The following CNTN5 variants were observed in gnomAD, a reference collection of about 807,000 sequenced individuals.
CNTN5 encodes the protein contactin 5.
A neutral mutation model predicts 129.1 loss-of-function variants in CNTN5; 77 were observed. The observed-to-expected ratio is 0.60, with a 90% CI of 0.50 to 0.72. CNTN5 has a LOEUF of 0.72. CNTN5 is among the 30% of genes least tolerant of loss of function. The pLI is 0.00. For synonymous variants in CNTN5, 509 were observed against 465.6 expected (o/e 1.09, Z -1.20); for missense variants, 1,478 against 1,328.8 (o/e 1.11, Z -1.75).
chr11:99,824,849 A>G (rs374160756), intron 4 of CNTN5, among the ~76,000 whole-genome samples: 8 of 152,164 alleles, frequency 5.3e-5, no homozygotes, highest in African/African-American at 1.4e-4. Flanking sequence ...ACTCACTTAT[A>G]TATGTTAAAA....
intron 4 of CNTN5, among the ~76,000 whole-genome samples, chr11:99,827,364 C>G (rs1349305257): frequency 6.6e-6 from 1 of 152,188 alleles, no homozygotes; most frequent in Non-Finnish European, 1.5e-5. Context: ...GCTGGGATTA[C>G]AAGCATGAGC....
chr11:99,875,870 C>T (rs1250921422), intron 6 of CNTN5, among the ~76,000 whole-genome samples: 1 of 152,010 alleles, frequency 6.6e-6, no homozygotes, highest in African/African-American at 2.4e-5. Flanking sequence ...TGTATAAGCA[C>T]TGTTATATAA....
At chr11:99,270,993 C>A (rs996781306) in intron 1 of CNTN5, among the ~76,000 whole-genome samples, 1 of 151,968 alleles carries the variant, frequency 6.6e-6, no homozygotes, top group African/African-American at 2.4e-5. Flanking sequence ...AGAATCATGT[C>A]TGTCTTCATA....
intron 21 of CNTN5, among the ~76,000 whole-genome samples, chr11:100,335,335 A>G (rs1952013219): frequency 6.6e-6 from 1 of 152,228 alleles, no homozygotes; most frequent in South Asian, 2.1e-4. Flanking sequence ...TAGATTTTAT[A>G]ACTTCATGTA....
At chr11:99,844,051 GT>G (rs1446182597) in intron 4 of CNTN5, among the ~76,000 whole-genome samples, 1 of 152,054 alleles carries the variant, frequency 6.6e-6, no homozygotes, top group African/African-American at 2.4e-5. Context: ...TCCATTTTTA[GT>G]TTCACTTTCT....
At chr11:99,179,613 T>C (rs1033450718) in intron 1 of CNTN5, among the ~76,000 whole-genome samples, 1 of 152,216 alleles carries the variant, frequency 6.6e-6, no homozygotes, top group African/African-American at 2.4e-5. Flanking sequence ...ATATGATCCA[T>C]ATGCCCAAAG....
chr11:99,866,572 G>A (rs561246198), intron 6 of CNTN5, among the ~76,000 whole-genome samples: 2 of 152,164 alleles, frequency 1.3e-5, no homozygotes, highest in Non-Finnish European at 2.9e-5. Flanking sequence ...AAGTTTTTGG[G>A]ACACTTGGTA....
intron 1 of CNTN5, among the ~76,000 whole-genome samples, chr11:99,151,636 A>G (rs61891479): frequency 0.062 from 9,413 of 152,222 alleles, 782 homozygotes; most frequent in East Asian, 0.34. Context: ...ATAGTGTGAA[A>G]TATTTGGGAA....
intron 9 of CNTN5, among the ~76,000 whole-genome samples, chr11:100,057,492 G>A (rs1388229600): frequency 1.3e-5 from 2 of 151,516 alleles, no homozygotes; most frequent in Non-Finnish European, 1.5e-5. Flanking sequence ...CTTCAAAATA[G>A]TATTTTGACA....
chr11:99,431,104 A>G (rs1943350407), intron 2 of CNTN5, among the ~76,000 whole-genome samples: 1 of 151,854 alleles, frequency 6.6e-6, no homozygotes, highest in South Asian at 2.1e-4. Context: ...GGATTTGACC[A>G]AGTCAGGTAG....
At chr11:99,749,625 A>G (rs1377166779) in intron 3 of CNTN5, among the ~76,000 whole-genome samples, 1 of 152,224 alleles carries the variant, frequency 6.6e-6, no homozygotes, top group African/African-American at 2.4e-5. Flanking sequence ...TTCAAAATCC[A>G]GTAAAAGACT....
At chr11:99,809,555 G>A (rs1565556290) in intron 3 of CNTN5, among the ~76,000 whole-genome samples, 1 of 151,862 alleles carries the variant, frequency 6.6e-6, no homozygotes. Flanking sequence ...TATATAATTA[G>A]CCATCTTGAA....
At chr11:100,324,119 G>A (rs1951746660) in intron 21 of CNTN5, among the ~76,000 whole-genome samples, 1 of 152,180 alleles carries the variant, frequency 6.6e-6, no homozygotes, top group African/African-American at 2.4e-5. Context: ...TTTGGGCCAA[G>A]TTTGAGGACT....
intron 15 of CNTN5, among the ~76,000 whole-genome samples, chr11:100,204,297 A>ACATAT (rs1555039166): frequency 5.7e-5 from 1 of 17,648 alleles, no homozygotes; most frequent in South Asian, 2.6e-3. Context: ...AACATTGACT[A>ACATAT]ATATATATAT....
At chr11:100,350,631 C>A in intron 23 of CNTN5, 71 bp from the exon 24 acceptor site, 1 of 1,143,632 alleles carries the variant, frequency 8.7e-7, no homozygotes, top group Non-Finnish European at 1.3e-6. Flanking sequence ...CAGAATGTGA[C>A]ACATAGTAGG....
intron 2 of CNTN5, among the ~76,000 whole-genome samples, chr11:99,505,012 G>A (rs957538985): frequency 2.0e-5 from 3 of 152,156 alleles, no homozygotes; most frequent in Non-Finnish European, 4.4e-5. Context: ...AAATTCTTAA[G>A]TCAGATCCTT....
chr11:99,108,638 T>C (rs117138024), intron 1 of CNTN5, among the ~76,000 whole-genome samples: 5,355 of 152,266 alleles, frequency 0.035, 121 homozygotes, highest in South Asian at 0.068. Context: ...AGTATCCAAA[T>C]ACCAATATTC....
chr11:99,388,480 G>A (rs1254659571), intron 2 of CNTN5, among the ~76,000 whole-genome samples: 2 of 149,206 alleles, frequency 1.3e-5, no homozygotes, highest in Admixed American at 6.7e-5. Flanking sequence ...TTGTACGCTT[G>A]TAAACTACTT....
intron 21 of CNTN5, among the ~76,000 whole-genome samples, chr11:100,327,743 A>G (rs1951819988): frequency 6.6e-6 from 1 of 152,180 alleles, no homozygotes; most frequent in Non-Finnish European, 1.5e-5. Context: ...CTTCGAATGG[A>G]TAGTTGAATT....
Sources: gnomAD v4.1 joint callset for allele counts (sites outside exome capture counted in the v4.1 genomes callset) on GRCh38, gnomAD v4.1.1 for gene constraint, MANE v1.5 for transcripts, NCBI Gene and HGNC (gene_info 2026-07-23, HGNC 2026-07-21) for gene names.